Variants in TEX54 observed in about 807,000 individuals in gnomAD.
TEX54 encodes the protein testis expressed 54.
For synonymous variants in TEX54, 17 were observed against 7.0 expected, an observed-to-expected ratio of 2.42 and a Z score of -2.24; for missense variants, 58 against 19.6, an observed-to-expected ratio of 2.96 and a Z score of -3.70.
exon 1 of TEX54, chr11:62,832,532 C>T (rs970706447): frequency 2.1e-5 from 9 of 433,664 alleles, no homozygotes; most frequent in Admixed American, 4.0e-5. Context: ...TTTCGTTCGA[C>T]TTGTGATTCG....
chr11:62,832,838 C>A (rs1395062067), upstream of TEX54: 88 of 1,274,286 alleles, frequency 6.9e-5, no homozygotes, highest in Admixed American at 2.1e-4. Context: ...ATCCCGTCGC[C>A]CCAGCTCAGG....
At chr11:62,832,608 C>A in exon 1 of TEX54, 1 of 448,516 alleles carries the variant, frequency 2.2e-6, no homozygotes, top group South Asian at 5.4e-5. Context: ...TCTGAGCTCA[C>A]CCCTACCCTC....
At chr11:62,832,804 G>T, upstream of TEX54, 1 of 1,026,972 alleles carries the variant, frequency 9.7e-7, no homozygotes, top group Non-Finnish European at 1.4e-6. Context: ...CCTGCCTCCA[G>T]GCCCGGCTTT....
At chr11:62,832,473 C>G in exon 1 of TEX54, 1 of 447,778 alleles carries the variant, frequency 2.2e-6, no homozygotes, top group Non-Finnish European at 3.9e-6. Flanking sequence ...CGAGGAGCCC[C>G]GACGACCGAA....
the TEX54 span, chr11:62,832,618 C>A: frequency 2.2e-6 from 1 of 446,044 alleles, no homozygotes; most frequent in Non-Finnish European, 3.9e-6. Flanking sequence ...CCCCTACCCT[C>A]GGGAAGCCCC....
At chr11:62,832,807 C>G (rs543525781), upstream of TEX54, 175 of 1,060,078 alleles carry the variant, frequency 1.7e-4, no homozygotes, top group African/African-American at 2.7e-3. Flanking sequence ...GCCTCCAGGC[C>G]CGGCTTTTGT....
the TEX54 span, chr11:62,832,629 CT>C: frequency 2.2e-6 from 1 of 449,740 alleles, no homozygotes; most frequent in African/African-American, 2.0e-5. Flanking sequence ...GGGAAGCCCC[CT>C]CTCACACTCC....
Position 62,832,475 on chromosome 11 carries a change from A to G in TEX54, c.276T>C (p.Arg92=), listed in dbSNP as rs563949008. The change falls in exon 1 of 1, where the codon CGT becomes CGC. Residue 92 remains arginine (R), a synonymous_variant. Coordinates refer to ENST00000636508, the Ensembl canonical transcript of TEX54. Reference sequence around the variant, plus strand: ...TCTTGCTTGGCCGCGAGGAGCCCCGACGACCGAACGTGGATAGTCGCCGCC... The same window carrying G: ...TCTTGCTTGGCCGCGAGGAGCCCCGGCGACCGAACGTGGATAGTCGCCGCC... 2.3e-4 allele frequency: 102 copies of G among 447,742 alleles called. No homozygotes were observed. The South Asian group carries it at 5.3e-3, about 23-fold the overall frequency. The allele number at this position is 447,742 out of a possible 1,614,324, so 27.7% of individuals were successfully genotyped here. A position where few individuals can be genotyped will look rare whatever the true frequency, so the allele number is the denominator to read the frequency against.
chr11:62,832,512 A>G, exon 1 of TEX54: 1 of 437,182 alleles, frequency 2.3e-6, no homozygotes. Flanking sequence ...CAGCACGGTA[A>G]TCAGAAGGCT....
Position 62,832,680 on chromosome 11 carries a change from C to T in TEX54, c.71G>A (p.Gly24Asp), listed in dbSNP as rs569676372. The T allele has an allele frequency of 2.2e-4, 107 of 486,820 alleles. 1 individual carries two copies. Among genetic ancestry groups the T allele is most frequent in the African/African-American group, 1.8e-3 (90 of 49,852 alleles). The allele number at this position is 486,820 out of a possible 1,614,324, so 30.2% of individuals were successfully genotyped here. A position where few individuals can be genotyped will look rare whatever the true frequency, so the allele number is the denominator to read the frequency against. ...TGTGTCTGTGGTCTCATCTTCCCTGCCGTCCTCAGACTCTTCCTCCTTGGA... is the reference window on the plus strand; with the variant it reads ...TGTGTCTGTGGTCTCATCTTCCCTGTCGTCCTCAGACTCTTCCTCCTTGGA... Residue 24 changes from glycine (G) to aspartate (D), a missense_variant, in exon 1 of 1, where the codon GGC becomes GAC. Transcript: ENST00000636508.
chr11:62,832,647 C>A (rs2084887777), exon 1 of TEX54: 2 of 464,674 alleles, frequency 4.3e-6, no homozygotes, highest in Non-Finnish European at 7.5e-6. Context: ...CTCCCTGGGC[C>A]CTCTTTGTGT....
rs2084884194 is a variant in TEX54, at chr11:62,832,400, G to A, written c.351C>T (p.Asn117=). 5 of 471,438 alleles carry A rather than the reference G, an allele frequency of 1.1e-5. No individual in the cohort carries two copies. In the Admixed American group the frequency reaches 1.9e-4, roughly 18 times the overall value. 29.2% of individuals were successfully genotyped at this position (471,438 alleles called of 1,614,324 possible). ...GTCATCCCTTCTCCGGCTCCTCCTG[G>A]TTGCCTTCTCGGATCGGACTCTCCT... Residue 117 remains asparagine, a synonymous_variant, in exon 1 of 1, where the codon AAC becomes AAT. Coordinates refer to ENST00000636508, the Ensembl canonical transcript of TEX54.
At chr11:62,832,471 C>A in exon 1 of TEX54, 1 of 449,110 alleles carries the variant, frequency 2.2e-6, no homozygotes, top group East Asian at 3.4e-5. Context: ...CGCGAGGAGC[C>A]CCGACGACCG....
exon 1 of TEX54, chr11:62,832,609 C>G (rs1386581661): frequency 4.5e-6 from 2 of 447,782 alleles, no homozygotes; most frequent in African/African-American, 4.1e-5. Context: ...CTGAGCTCAC[C>G]CCTACCCTCG....
At chr11:62,832,677 C>T (rs187629117) in exon 1 of TEX54, 52 of 486,678 alleles carry the variant, frequency 1.1e-4, no homozygotes, top group African/African-American at 9.2e-4. Flanking sequence ...CTCATCTTCC[C>T]TGCCGTCCTC....
At chr11:62,832,793 G>A in exon 1 of TEX54, 1 of 907,356 alleles carries the variant, frequency 1.1e-6, no homozygotes, top group Non-Finnish European at 1.6e-6. Flanking sequence ...ACGCCAGCCT[G>A]CCTGCCTCCA....
At chr11:62,832,790 C>A in exon 1 of TEX54, 1 of 883,268 alleles carries the variant, frequency 1.1e-6, no homozygotes, top group South Asian at 2.0e-5. Flanking sequence ...CCCACGCCAG[C>A]CTGCCTGCCT....
upstream of TEX54, chr11:62,832,826 A>G: frequency 1.7e-6 from 2 of 1,188,462 alleles, no homozygotes; most frequent in Non-Finnish European, 2.3e-6. Flanking sequence ...GTGACATCAG[A>G]TATCCCGTCG....
chr11:62,832,601 G>GA, the TEX54 span: 1 of 443,842 alleles, frequency 2.3e-6, no homozygotes, highest in Non-Finnish European at 4.0e-6. Context: ...CGAGGCCTCT[G>GA]AGCTCACCCC....
Sources: gnomAD v4.1 joint callset for allele counts on GRCh38, gnomAD v4.1.1 for gene constraint, MANE v1.5 for transcripts, NCBI Gene and HGNC (gene_info 2026-07-23, HGNC 2026-07-21) for gene names.